NDRG1: variants seen among roughly 807,000 people sequenced by gnomAD.
NDRG1 encodes N-myc downstream regulated 1, also known as protein NDRG1.
In NDRG1, 32 loss-of-function variants were observed where a neutral mutation model predicts 56.9. That is an observed-to-expected ratio of 0.56 (90% CI 0.42 to 0.76). The LOEUF (loss-of-function observed/expected upper bound fraction) is 0.76, where lower values mean the gene tolerates loss of function less well. Among genes scored for constraint, NDRG1 ranks in the 30% least tolerant of loss-of-function variants. The probability of loss-of-function intolerance (pLI) is 0.00; values close to 1 mark genes in which losing one functional copy is unlikely to be tolerated. For missense variants in NDRG1, 507 were observed against 545.7 expected, an observed-to-expected ratio of 0.93 and a Z score of 0.71; for synonymous variants, 211 against 204.1, an observed-to-expected ratio of 1.03 and a Z score of -0.29.
intron 5 of NDRG1, 137 bp from the exon 6 acceptor site, chr8:133,259,367 C>A: frequency 1.3e-6 from 1 of 796,460 alleles, no homozygotes; most frequent in Non-Finnish European, 2.2e-6. Context: ...AAGTCTAGTC[C>A]CTTCGCATCC....
chr8:133,254,803 T>C, intron 8 of NDRG1: 3 of 600,888 alleles, frequency 5.0e-6, no homozygotes, highest in South Asian at 4.0e-5. Flanking sequence ...CCTGGGACTA[T>C]ATCCAGTTCC....
intron 14 of NDRG1, 75 bp downstream of exon 14, chr8:133,244,280 G>C (rs1855542144): frequency 6.5e-7 from 1 of 1,531,390 alleles, no homozygotes. Flanking sequence ...GAGGGAACAG[G>C]TGTCACAGAG....
At chr8:133,285,460 C>A (rs1858056398) in intron 1 of NDRG1, among the ~76,000 whole-genome samples, 1 of 152,176 alleles carries the variant, frequency 6.6e-6, no homozygotes, top group Non-Finnish European at 1.5e-5. Flanking sequence ...GGAACCTGGG[C>A]CCCGCACTGC....
intron 1 of NDRG1, among the ~76,000 whole-genome samples, chr8:133,289,668 C>T (rs1183013314): frequency 1.3e-5 from 2 of 152,138 alleles, no homozygotes; most frequent in African/African-American, 4.8e-5. Context: ...AAGAAAAGAA[C>T]GTGACCCGTG....
At chr8:133,290,158 G>T (rs1324013503) in intron 1 of NDRG1, among the ~76,000 whole-genome samples, 1 of 152,056 alleles carries the variant, frequency 6.6e-6, no homozygotes, top group Non-Finnish European at 1.5e-5. Context: ...CCACCCACCT[G>T]CACACCCTCT....
chr8:133,243,688 G>GA (rs759040616), intron 14 of NDRG1, among the ~76,000 whole-genome samples: 1 of 152,154 alleles, frequency 6.6e-6, no homozygotes, highest in Non-Finnish European at 1.5e-5. Flanking sequence ...AAAGGAGGAA[G>GA]AAAGGAGGCA....
intron 3 of NDRG1, among the ~76,000 whole-genome samples, chr8:133,271,182 G>A (rs1382246549): frequency 1.3e-5 from 2 of 152,188 alleles, no homozygotes; most frequent in Non-Finnish European, 2.9e-5. Context: ...GGCTCTAAGA[G>A]GATCACCGCA....
chr8:133,244,479 C>T, intron 13 of NDRG1, 89 bp from the exon 14 acceptor site: 1 of 1,469,884 alleles, frequency 6.8e-7, no homozygotes, highest in Non-Finnish European at 9.4e-7. Flanking sequence ...TGCCCATCCG[C>T]CCGCTGCCCT....
intron 2 of NDRG1, chr8:133,280,908 C>T (rs1275715148): frequency 1.3e-5 from 2 of 152,600 alleles, no homozygotes; most frequent in Non-Finnish European, 2.9e-5. Flanking sequence ...CCGGCTCCAC[C>T]CATGTGCTAT....
intron 12 of NDRG1, among the ~76,000 whole-genome samples, chr8:133,247,224 C>G (rs1039211114): frequency 6.4e-4 from 98 of 152,178 alleles, no homozygotes; most frequent in African/African-American, 2.0e-3. Flanking sequence ...ATTGATGTAT[C>G]CCATGATTAT....
chr8:133,291,438 A>G (rs142810373), intron 1 of NDRG1, among the ~76,000 whole-genome samples: 34 of 152,212 alleles, frequency 2.2e-4, no homozygotes, highest in African/African-American at 7.7e-4. Context: ...TCTTTGCCCA[A>G]AGAGATTTTG....
chr8:133,270,559 G>C (rs74559434), intron 3 of NDRG1, among the ~76,000 whole-genome samples: 1 of 152,038 alleles, frequency 6.6e-6, no homozygotes, highest in South Asian at 2.1e-4. Context: ...GGTCAAACTT[G>C]ACCTTTTGAT....
At position 133,258,391 on chromosome 8, in the gene NDRG1, C is replaced by T. The variant is rs1856490634; in HGVS notation, c.425G>A (p.Gly142Asp). 6.2e-7 allele frequency: 1 copy of T among 1,612,248 alleles called. No homozygotes were observed. The highest frequency in any genetic ancestry group is 1.3e-5 in the African/African-American group (1 of 74,906). ...KSIIGMGTGAGAYILTRFALN... is the reference protein window; with the variant it reads ...KSIIGMGTGADAYILTRFALN... ...AGCAAATCGAGTTAGGATGTAGGCG[C>T]CTGCTCCTGTTCCCATGCCAATAAT... is the stretch of plus-strand genomic sequence containing the variant. Residue 142 changes from glycine (G) to aspartate (D), a missense_variant, in exon 7 of 16, where the codon GGC (glycine) becomes GAC (aspartate). Physicochemically the swap from Gly to Asp is moderately conservative, Grantham distance 94. Transcript: ENST00000323851.
rs548198882 is a variant in NDRG1 at position 133,238,545 on chromosome 8, G to A, written c.*333C>T. On this transcript the variant is annotated 3_prime_UTR_variant, in exon 16 of 16. Coordinates refer to ENST00000323851, the MANE Select transcript of NDRG1 (RefSeq NM_006096.4). ...AGGATGCTCAGGGCGGCCTAGGCTT[G>A]GCTTTGTGAAGTGTGTGCTGCTACG... 1.6e-5 allele frequency: 6 copies of A among 380,542 alleles called. No individual in the cohort carries two copies. In the South Asian group the frequency reaches 3.5e-4, roughly 22 times the overall value. The allele number at this position is 380,542 out of a possible 1,614,324, so 23.6% of individuals were successfully genotyped here.
At position 133,256,769 on chromosome 8, in the gene NDRG1, C is replaced by T. The variant is rs537844639; in HGVS notation, c.537+8G>A. On this transcript the variant is annotated splice_region_variant and intron_variant, in intron 8 of 15. Transcript: ENST00000323851. ...GGATCCCGCCGGCCTGACAGGCCCC[C>T]ACCTCACCTTGGAGGCGGCCCAGTC... The T allele has an allele frequency of 2.5e-6, 4 of 1,613,946 alleles. No homozygotes were observed. Among genetic ancestry groups the T allele is most frequent in the Non-Finnish European group, 3.4e-6 (4 of 1,180,000 alleles).
intron 5 of NDRG1, among the ~76,000 whole-genome samples, chr8:133,260,458 TA>T (rs1856606273): frequency 6.6e-6 from 1 of 152,048 alleles, no homozygotes; most frequent in Non-Finnish European, 1.5e-5. Flanking sequence ...CATAGTAAAC[TA>T]GGGGGAAAAT....
intron 3 of NDRG1, among the ~76,000 whole-genome samples, chr8:133,277,789 G>C (rs934651840): frequency 1.3e-5 from 2 of 152,088 alleles, no homozygotes; most frequent in African/African-American, 4.8e-5. Context: ...GCACTGATGC[G>C]GGAAGCACCA....
intron 1 of NDRG1, among the ~76,000 whole-genome samples, chr8:133,291,834 A>G (rs1226065134): frequency 6.6e-6 from 1 of 152,178 alleles, no homozygotes; most frequent in East Asian, 1.9e-4. Flanking sequence ...AACAAGCCAA[A>G]GCCGCATTCA....
At chr8:133,242,102 G>A in intron 14 of NDRG1, 28 bp from the exon 15 acceptor site, 5 of 1,614,024 alleles carry the variant, frequency 3.1e-6, no homozygotes, top group South Asian at 1.1e-5. Flanking sequence ...AGAAAATGCA[G>A]TCAGTTGCTG....
Sources: allele counts gnomAD v4.1 joint callset (sites outside exome capture counted in the v4.1 genomes callset), GRCh38; gene constraint gnomAD v4.1.1; transcripts MANE v1.5; gene names NCBI Gene and HGNC (gene_info 2026-07-23, HGNC 2026-07-21).